Variants in PLEKHH2 observed in about 807,000 individuals in gnomAD.
PLEKHH2 encodes pleckstrin homology domain-containing family H member 2.
In PLEKHH2, 129 loss-of-function variants were observed where a neutral mutation model predicts 187.9. The ratio of observed to expected loss-of-function variants is 0.69; its 90% CI spans 0.59 to 0.79. PLEKHH2 has a LOEUF of 0.79. Among genes scored for constraint, PLEKHH2 ranks in the 30% least tolerant of loss-of-function variants. The pLI, the probability that PLEKHH2 is intolerant of heterozygous loss-of-function variation, is 0.00. For missense variants in PLEKHH2, 2,076 were observed against 1,751.2 expected, an observed-to-expected ratio of 1.19 and a Z score of -3.31; for synonymous variants, 686 against 605.6, an observed-to-expected ratio of 1.13 and a Z score of -1.95.
chr2:43,695,022 C>T, intron 5 of PLEKHH2, 121 bp from the exon 6 acceptor site: 3 of 446,004 alleles, frequency 6.7e-6, no homozygotes, highest in Non-Finnish European at 7.7e-6. Flanking sequence ...TTATCATTTC[C>T]TTTGTATTTT....
rs747922404 is a variant in PLEKHH2, at chr2:43,699,846, A to T, written c.888A>T (p.Gly296=). 18 of 1,614,054 alleles carry T rather than the reference A, an allele frequency of 1.1e-5. No individual in the cohort carries two copies. The highest frequency in any genetic ancestry group is 1.4e-5 in the Non-Finnish European group (17 of 1,180,018). The change falls in exon 8 of 30, where the codon GGA becomes GGT. Residue 296 remains glycine, a synonymous_variant. Coordinates refer to ENST00000282406, the MANE Select transcript of PLEKHH2 (RefSeq NM_172069.4). ...CTGATGAGGAAGACGGGAGCAAAGG[A>T]AGATCCAAGTCCAGATGCACATCCA... The part of the protein sequence containing the change: ...WSSDEEDGSK[G]RSKSRCTSTL...
chr2:43,722,708 CT>C (rs1670541164), intron 16 of PLEKHH2, among the ~76,000 whole-genome samples: 1 of 152,172 alleles, frequency 6.6e-6, no homozygotes, highest in African/African-American at 2.4e-5. Context: ...AAATAATTAT[CT>C]GTGATCACAG....
intron 9 of PLEKHH2, among the ~76,000 whole-genome samples, chr2:43,704,579 C>T (rs548210143): frequency 1.1e-3 from 153 of 143,824 alleles, no homozygotes; most frequent in African/African-American, 3.7e-3. Context: ...AGGAGGATGG[C>T]GTGAACCGAG....
At chr2:43,669,420 C>G (rs1199876760) in intron 2 of PLEKHH2, among the ~76,000 whole-genome samples, 1 of 152,058 alleles carries the variant, frequency 6.6e-6, no homozygotes, top group Non-Finnish European at 1.5e-5. Flanking sequence ...ATACTAAAAA[C>G]CACTGAATTA....
chr2:43,742,161 C>T (rs562114372), intron 21 of PLEKHH2, among the ~76,000 whole-genome samples: 48 of 152,022 alleles, frequency 3.2e-4, no homozygotes, highest in African/African-American at 8.7e-4. Flanking sequence ...CCACCACCCC[C>T]GGCTAATTTT....
At chr2:43,684,883 C>A (rs1399674658) in intron 3 of PLEKHH2, among the ~76,000 whole-genome samples, 1 of 151,114 alleles carries the variant, frequency 6.6e-6, no homozygotes, top group East Asian at 1.9e-4. Context: ...TTAGCAAAAC[C>A]TGTAGGCATT....
intron 20 of PLEKHH2, among the ~76,000 whole-genome samples, chr2:43,739,438 C>T (rs1312266409): frequency 6.6e-6 from 1 of 152,188 alleles, no homozygotes; most frequent in Non-Finnish European, 1.5e-5. Flanking sequence ...GCCTGTTAGC[C>T]ACAGGATAAA....
chr2:43,652,570 A>G (rs988721641), intron 2 of PLEKHH2, among the ~76,000 whole-genome samples: 3 of 152,184 alleles, frequency 2.0e-5, no homozygotes, highest in Non-Finnish European at 2.9e-5. Context: ...TAGGGACTCC[A>G]TGAGTCCAGG....
At chr2:43,699,418 A>T (rs1669243720) in intron 7 of PLEKHH2, among the ~76,000 whole-genome samples, 1 of 152,036 alleles carries the variant, frequency 6.6e-6, no homozygotes, top group Admixed American at 6.6e-5. Context: ...TTGCTCTGTC[A>T]CCCAGGCTGG....
intron 20 of PLEKHH2, among the ~76,000 whole-genome samples, chr2:43,738,927 T>C (rs1671428727): frequency 1.3e-5 from 2 of 152,194 alleles, no homozygotes; most frequent in South Asian, 4.1e-4. Flanking sequence ...GTTTCGCTCT[T>C]GTTGCCCAGG....
chr2:43,706,119 T>G (rs1558528862), intron 9 of PLEKHH2, among the ~76,000 whole-genome samples: 1 of 152,148 alleles, frequency 6.6e-6, no homozygotes. Flanking sequence ...CTAGCACACA[T>G]GAGGAAATAA....
intron 2 of PLEKHH2, chr2:43,676,095 T>G (rs1667761282): frequency 6.2e-7 from 1 of 1,613,808 alleles, no homozygotes; most frequent in South Asian, 1.1e-5. Context: ...CTTCGGATTC[T>G]CCAAAGATGA....
At chr2:43,710,794 C>G in intron 14 of PLEKHH2, 1 of 1,331,436 alleles carries the variant, frequency 7.5e-7, no homozygotes, top group Non-Finnish European at 9.6e-7. Context: ...CACACTTTAC[C>G]TTTCTTCCTT....
Position 43,712,246 on chromosome 2 carries a change from T to C in PLEKHH2, c.2323T>C (p.Tyr775His). ...CTAGTTGACCACTGAAAAACACACATACTATCTGACTGCAGATTCTCCCAA... is the reference window on the plus strand; with the variant it reads ...CTAGTTGACCACTGAAAAACACACACACTATCTGACTGCAGATTCTCCCAA... ...TVQLTTEKHT[Y>H]YLTADSPNIL... Residue 775 changes from tyrosine to histidine, a missense_variant, in exon 15 of 30, where the codon TAC (tyrosine) becomes CAC (histidine). Physicochemically the swap from Tyr to His is moderately conservative, Grantham distance 83. Transcript: ENST00000282406. The C allele has an allele frequency of 6.2e-7, 1 of 1,613,398 alleles. No homozygotes were observed. Among genetic ancestry groups the C allele is most frequent in the South Asian group, 1.1e-5 (1 of 91,062 alleles).
At chr2:43,638,167 C>A (rs942971461) in intron 1 of PLEKHH2, among the ~76,000 whole-genome samples, 1 of 151,996 alleles carries the variant, frequency 6.6e-6, no homozygotes, top group Non-Finnish European at 1.5e-5. Flanking sequence ...AGGCGTTGCC[C>A]AAGTGGGGCT....
chr2:43,752,715 G>A (rs560346822), intron 24 of PLEKHH2, among the ~76,000 whole-genome samples: 56 of 152,222 alleles, frequency 3.7e-4, no homozygotes, highest in African/African-American at 1.3e-3. Context: ...ATTTAGAGCC[G>A]TTACAGCACC....
chr2:43,740,992 A>T lies in PLEKHH2; in HGVS notation c.3170A>T (p.His1057Leu), dbSNP rs1324318817. ...TGCGTTGGGCTCTTCCTTCCCCATC[A>T]TCCTTTCCTGTGGCTCCTCAGGCTT... ...ALCVGLFLPH[H>L]PFLWLLRLHL... Residue 1057 changes from histidine (H) to leucine (L), a missense_variant, in exon 21 of 30, where the codon CAT becomes CTT. Coordinates refer to ENST00000282406, the MANE Select transcript of PLEKHH2 (RefSeq NM_172069.4). The T allele has an allele frequency of 1.2e-6, 2 of 1,614,002 alleles. No homozygotes were observed. Among genetic ancestry groups the T allele is most frequent in the South Asian group, 1.1e-5 (1 of 91,064 alleles).
chr2:43,675,766 A>T, intron 2 of PLEKHH2: 1 of 1,613,770 alleles, frequency 6.2e-7, no homozygotes, highest in Non-Finnish European at 8.5e-7. Context: ...TCTGCTTAAG[A>T]CAATCCCTCC....
At chr2:43,712,429 T>G in intron 15 of PLEKHH2, 46 bp downstream of exon 15, 1 of 1,573,288 alleles carries the variant, frequency 6.4e-7, no homozygotes, top group Non-Finnish European at 8.7e-7. Flanking sequence ...GCTATGGGCA[T>G]GAGCCCATGA....
Sources: gnomAD v4.1 joint callset for allele counts (sites outside exome capture counted in the v4.1 genomes callset) on GRCh38, gnomAD v4.1.1 for gene constraint, MANE v1.5 for transcripts, NCBI Gene and HGNC (gene_info 2026-07-23, HGNC 2026-07-21) for gene names.